Variants in SYN3 observed in about 807,000 individuals in gnomAD.
The protein encoded by SYN3 is synapsin III.
Under a neutral mutation model 65.8 loss-of-function variants are expected in SYN3, and 35 were observed. That is an observed-to-expected ratio of 0.53 (90% CI 0.41 to 0.70). The LOEUF (loss-of-function observed/expected upper bound fraction) is 0.70, where lower values mean the gene tolerates loss of function less well. Ranked by LOEUF, SYN3 falls within the 30% of genes least tolerant of loss-of-function variation. The pLI is 0.00. For synonymous variants in SYN3, 270 were observed against 292.9 expected (o/e 0.92, Z 0.80); for missense variants, 680 against 749.0 (o/e 0.91, Z 1.08).
intron 7 of SYN3, among the ~76,000 whole-genome samples, chr22:32,592,740 C>A (rs2059145573): frequency 6.6e-6 from 1 of 152,118 alleles, no homozygotes; most frequent in African/African-American, 2.4e-5. Context: ...GAATTAAGTT[C>A]TTTTCTCTAA....
At chr22:32,750,894 G>A (rs1334528163) in intron 6 of SYN3, among the ~76,000 whole-genome samples, 1 of 152,070 alleles carries the variant, frequency 6.6e-6, no homozygotes, top group Admixed American at 6.5e-5. Context: ...TTTGGGGTGG[G>A]GAGAAGATCA....
intron 4 of SYN3, among the ~76,000 whole-genome samples, chr22:32,898,098 C>G (rs1357062904): frequency 6.6e-6 from 1 of 152,126 alleles, no homozygotes; most frequent in Non-Finnish European, 1.5e-5. Context: ...CGGCTTCAAG[C>G]GATTCTCCTG....
At chr22:32,627,757 T>C (rs1039127408) in intron 6 of SYN3, among the ~76,000 whole-genome samples, 1 of 152,144 alleles carries the variant, frequency 6.6e-6, no homozygotes, top group Non-Finnish European at 1.5e-5. Flanking sequence ...TGCAGGCTTG[T>C]GTACACACCC....
At position 32,706,734 on chromosome 22, in the gene SYN3, G is replaced by C. The variant is rs1321443400; in HGVS notation, c.712-109998C>G. Among the ~76,000 whole-genome samples, 7 of 152,360 alleles carry C rather than the reference G, an allele frequency of 4.6e-5. No homozygotes were observed. The East Asian group carries it at 1.3e-3, about 29-fold the overall frequency. On this transcript the variant is annotated intron_variant, in intron 6 of 13. Coordinates refer to ENST00000358763, the MANE Select transcript of SYN3 (RefSeq NM_003490.4). ...CTGATTTAGAGCCTTTTGGTGCTGA[G>C]GCACCCTTTGCTCCCTGACCAGTCT...
chr22:32,740,084 T>C (rs2061385701), intron 6 of SYN3, among the ~76,000 whole-genome samples: 1 of 152,228 alleles, frequency 6.6e-6, no homozygotes, highest in African/African-American at 2.4e-5. Context: ...TTAGGGATGT[T>C]AACCTGGTGA....
intron 6 of SYN3, among the ~76,000 whole-genome samples, chr22:32,795,860 A>G (rs2046416799): frequency 2.0e-5 from 3 of 152,190 alleles, no homozygotes; most frequent in African/African-American, 7.2e-5. Flanking sequence ...CCCACAGCAC[A>G]GGACAAGACC....
intron 6 of SYN3, chr22:32,864,505 C>G (rs972350165): frequency 1.2e-5 from 2 of 161,934 alleles, no homozygotes; most frequent in African/African-American, 4.8e-5. Context: ...ACAACCAATG[C>G]AAATCAAATA....
At chr22:32,754,539 C>T (rs774277318) in intron 6 of SYN3, among the ~76,000 whole-genome samples, 4 of 152,232 alleles carry the variant, frequency 2.6e-5, no homozygotes, top group African/African-American at 9.6e-5. Context: ...AGACCATCCT[C>T]TCCTGCTGCC....
chr22:32,604,150 T>C (rs940205486), intron 6 of SYN3, among the ~76,000 whole-genome samples: 1 of 152,192 alleles, frequency 6.6e-6, no homozygotes, highest in Admixed American at 6.5e-5. Context: ...ACTCCTCCTA[T>C]GTTCTTGACT....
At chr22:32,810,373 G>T (rs1274694321) in intron 6 of SYN3, among the ~76,000 whole-genome samples, 2 of 152,168 alleles carry the variant, frequency 1.3e-5, no homozygotes, top group Non-Finnish European at 2.9e-5. Flanking sequence ...GGCATTCACG[G>T]CTTGGAGACA....
intron 6 of SYN3, among the ~76,000 whole-genome samples, chr22:32,688,264 G>T (rs994436763): frequency 1.3e-5 from 2 of 152,172 alleles, no homozygotes; most frequent in Non-Finnish European, 2.9e-5. Flanking sequence ...TGTGGCTCAT[G>T]AGAACATAAA....
At chr22:32,550,691 T>C (rs1239680909) in intron 7 of SYN3, among the ~76,000 whole-genome samples, 1 of 122,766 alleles carries the variant, frequency 8.1e-6, no homozygotes, top group Non-Finnish European at 1.7e-5. Context: ...CAAAAAGGCC[T>C]AGAAATGGCA....
At chr22:33,037,082 C>T (rs536789105) in intron 1 of SYN3, among the ~76,000 whole-genome samples, 37 of 152,298 alleles carry the variant, frequency 2.4e-4, no homozygotes, top group African/African-American at 8.9e-4. Flanking sequence ...AGTATATGCA[C>T]CTCATAAACT....
intron 4 of SYN3, among the ~76,000 whole-genome samples, chr22:32,920,684 T>C (rs952753100): frequency 3.9e-5 from 6 of 152,220 alleles, no homozygotes; most frequent in Admixed American, 2.0e-4. Flanking sequence ...ATTCTCTTTT[T>C]GTGCCCTCCT....
chr22:32,720,385 T>C (rs1239290308), intron 6 of SYN3, among the ~76,000 whole-genome samples: 1 of 152,200 alleles, frequency 6.6e-6, no homozygotes, highest in African/African-American at 2.4e-5. Flanking sequence ...GCCATGAGGT[T>C]GATGTTATTG....
intron 1 of SYN3, among the ~76,000 whole-genome samples, chr22:33,031,938 G>GCC (rs1228587639): frequency 3.3e-5 from 5 of 152,170 alleles, no homozygotes; most frequent in Admixed American, 6.5e-5. Flanking sequence ...GCCAGGCATG[G>GCC]AGGATCACGC....
At chr22:32,602,083 A>G (rs1008870368) in intron 6 of SYN3, among the ~76,000 whole-genome samples, 10 of 152,094 alleles carry the variant, frequency 6.6e-5, no homozygotes, top group Non-Finnish European at 1.5e-4. Flanking sequence ...TATAATTTTT[A>G]TATGTCCAAT....
chr22:32,840,626 C>T (rs2047869418), intron 6 of SYN3, among the ~76,000 whole-genome samples: 1 of 152,016 alleles, frequency 6.6e-6, no homozygotes, highest in African/African-American at 2.4e-5. Context: ...TCCAGCTGCT[C>T]TCCTTACCGC....
intron 7 of SYN3, among the ~76,000 whole-genome samples, chr22:32,586,038 GTATATGTATATATGTGTATATGTATATA>G (rs2059030160): frequency 9.7e-6 from 1 of 103,238 alleles, no homozygotes; most frequent in Non-Finnish European, 1.8e-5. Context: ...ATGTATATAT[GTATATGTATATATGTGTATATGTATATA>G]TGTATACATG....
Sources: gnomAD v4.1 joint callset for allele counts (sites outside exome capture counted in the v4.1 genomes callset) on GRCh38, gnomAD v4.1.1 for gene constraint, MANE v1.5 for transcripts, NCBI Gene and HGNC (gene_info 2026-07-23, HGNC 2026-07-21) for gene names.